EZH1: variants seen among roughly 807,000 people sequenced by gnomAD.
EZH1 encodes the protein histone-lysine N-methyltransferase EZH1.
A neutral mutation model predicts 100.5 loss-of-function variants in EZH1; 33 were observed. The ratio of observed to expected loss-of-function variants is 0.33; its 90% CI spans 0.25 to 0.44. The LOEUF is 0.44. Ranked by LOEUF, EZH1 falls within the 20% of genes least tolerant of loss-of-function variation. The pLI is 1.00. For missense variants in EZH1, 475 were observed against 928.4 expected (o/e 0.51, Z 6.35); for synonymous variants, 272 against 313.8 (o/e 0.87, Z 1.41).
At chr17:42,738,258 A>G (rs935653320) in intron 1 of EZH1, among the ~76,000 whole-genome samples, 1 of 151,650 alleles carries the variant, frequency 6.6e-6, no homozygotes, top group African/African-American at 2.4e-5. Flanking sequence ...GTTCCAAACT[A>G]TTAAATTTTT....
chr17:42,717,969 A>AAC lies in EZH1; in HGVS notation c.1023+5_1023+6dup, dbSNP rs2053638474. 1.2e-6 allele frequency: 2 copies of AAC among 1,613,838 alleles called. No individual in the cohort carries two copies. Among genetic ancestry groups the AAC allele is most frequent in the Non-Finnish European group, 1.7e-6 (2 of 1,179,720 alleles). ...GTTAATAATGCCAGAACAGCTTAAG[A>AAC]ACATACCAGCAAAAGGAAGCAGTCT... On this transcript the variant is annotated splice_region_variant and intron_variant, in intron 10 of 20. Transcript: ENST00000428826.
chr17:42,733,268 C>T (rs1157314174), intron 1 of EZH1, among the ~76,000 whole-genome samples: 1 of 142,882 alleles, frequency 7.0e-6, no homozygotes, highest in East Asian at 2.1e-4. Context: ...ACCTGGGAGG[C>T]AGAAGTTGCG....
chr17:42,706,028 G>A lies in EZH1; in HGVS notation c.1818C>T (p.Ser606=). ...DCKVVSCKNC[S]IQRGLKKHLL... ...TCACCTTCTTAAGTCCACGCTGGAT[G>A]CTGCAGTTTTTACAGGAAACCACCT... The change falls in exon 16 of 21, where the codon AGC becomes AGT. Residue 606 remains serine, a synonymous_variant. Transcript: ENST00000428826. This position sits in a 1 kb window ranked among gnomAD's most constrained non-coding sequence, Gnocchi z 4.4. 2 of 1,613,574 alleles carry A rather than the reference G, an allele frequency of 1.2e-6. No individual in the cohort carries two copies. The highest frequency in any genetic ancestry group is 8.5e-7 in the Non-Finnish European group (1 of 1,179,822).
chr17:42,741,546 G>C (rs1166090573), intron 1 of EZH1, among the ~76,000 whole-genome samples: 1 of 152,072 alleles, frequency 6.6e-6, no homozygotes, highest in Non-Finnish European at 1.5e-5. Context: ...TCTAAGACCA[G>C]AAAAAGATAT....
Position 42,745,023 on chromosome 17 carries a change from G to C in EZH1, c.-115C>G. 1 of 1,272,042 alleles carries C rather than the reference G, an allele frequency of 7.9e-7. No homozygotes were observed. The highest frequency in any genetic ancestry group is 1.0e-6 in the Non-Finnish European group (1 of 982,160). 78.8% of individuals were successfully genotyped at this position (1,272,042 alleles called of 1,614,324 possible). On this transcript the variant is annotated 5_prime_UTR_variant, in exon 1 of 21. Transcript: ENST00000428826. Reference sequence around the variant, plus strand: ...TTTACTCACTCACCCTCCATCCCGAGCCGCGGGTCCCGCTGCTAGGACGCA... The same window carrying C: ...TTTACTCACTCACCCTCCATCCCGACCCGCGGGTCCCGCTGCTAGGACGCA...
In EZH1 at chr17:42,701,441, A is replaced by G. The variant is rs1471993307; in HGVS notation, c.*1091T>C. The G allele has an allele frequency of 6.5e-6, 1 of 152,808 alleles. No individual in the cohort carries two copies. The highest frequency in any genetic ancestry group is 1.5e-5 in the Non-Finnish European group (1 of 68,060). 9.5% of individuals were successfully genotyped at this position (152,808 alleles called of 1,614,324 possible). A position where few individuals can be genotyped will look rare whatever the true frequency, so the allele number is the denominator to read the frequency against. On this transcript the variant is annotated 3_prime_UTR_variant, in exon 21 of 21. Coordinates refer to ENST00000428826, the MANE Select transcript of EZH1 (RefSeq NM_001991.5). ...CGGGGTGCCAGCCTAAACGCGTGCA[A>G]TTTAGCCCCTCACCAACCTTGGAAC...
chr17:42,710,042 T>C, intron 12 of EZH1, 105 bp from the exon 13 acceptor site: 1 of 884,416 alleles, frequency 1.1e-6, no homozygotes, highest in Non-Finnish European at 1.9e-6. Flanking sequence ...CTCAGGCAGC[T>C]GACCAAGCCT....
intron 10 of EZH1, among the ~76,000 whole-genome samples, chr17:42,717,651 A>T (rs2053631367): frequency 6.6e-6 from 1 of 152,170 alleles, no homozygotes; most frequent in Non-Finnish European, 1.5e-5. Context: ...GATAGCAAAG[A>T]AACTAGAGTG....
At chr17:42,710,428 T>C (rs2053453711) in intron 12 of EZH1, among the ~76,000 whole-genome samples, 2 of 152,146 alleles carry the variant, frequency 1.3e-5, no homozygotes, top group Admixed American at 1.3e-4. Context: ...TGGTTTTTAG[T>C]TTTTCCTTTT....
At position 42,739,496 on chromosome 17, in the gene EZH1, C is replaced by G. The variant is rs141593834; in HGVS notation, c.-103+5515G>C. On this transcript the variant is annotated intron_variant, in intron 1 of 20. Transcript: ENST00000428826. The stretch of plus-strand genomic sequence containing the variant: ...CCTGTAATCCCAGCACTTTGGGAGG[C>G]CAAGGCGAGTGGATCACCTGAGGAC... 9.7e-3 allele frequency among the ~76,000 whole-genome samples: 1,477 copies of G among 152,178 alleles called. 25 individuals are homozygous for G. Among genetic ancestry groups the G allele is most frequent in the African/African-American group, 0.034 (1,422 of 41,530 alleles).
At chr17:42,704,502 C>T (rs571012060) in intron 18 of EZH1, 100 bp downstream of exon 18, 41 of 879,162 alleles carry the variant, frequency 4.7e-5, no homozygotes, top group Non-Finnish European at 6.9e-5. Flanking sequence ...GAGCCAAGAT[C>T]GCACCATTGC....
At position 42,718,680 on chromosome 17, in the gene EZH1, T is replaced by C; in HGVS notation, c.768-63A>G. 3.2e-6 allele frequency: 5 copies of C among 1,575,704 alleles called. No homozygotes were observed. Among genetic ancestry groups the C allele is most frequent in the Admixed American group, 1.7e-5 (1 of 58,768 alleles). On this transcript the variant is annotated intron_variant, in intron 8 of 20. Transcript: ENST00000428826. The surrounding 1 kb of genome is among the most constrained non-coding windows in gnomAD (Gnocchi z 4.2). ...ACTGCCTCCACTGAGGAAATACAGA[T>C]TGGGTACTGACAGTAGCTCACCTAC...
intron 6 of EZH1, among the ~76,000 whole-genome samples, chr17:42,720,730 G>A (rs895233996): frequency 6.6e-6 from 1 of 152,058 alleles, no homozygotes; most frequent in Admixed American, 6.6e-5. Flanking sequence ...CGCGATCTTG[G>A]CTCACCGCAA....
At chr17:42,710,865 C>T (rs1205326278) in intron 12 of EZH1, among the ~76,000 whole-genome samples, 2 of 150,114 alleles carry the variant, frequency 1.3e-5, no homozygotes, top group Admixed American at 6.7e-5. Flanking sequence ...TCAAGCGATC[C>T]TCCCACCATG....
Position 42,728,816 on chromosome 17 carries a change from A to G in EZH1, c.117+9T>C. The G allele has an allele frequency of 6.2e-7, 1 of 1,610,566 alleles. No individual in the cohort carries two copies. The highest frequency in any genetic ancestry group is 8.5e-7 in the Non-Finnish European group (1 of 1,178,858). ...ATATATAAACTTTCACTTGGGAATT[A>G]TTTTTTACCTTTGCACCCATATTTG... On this transcript the variant is annotated intron_variant, in intron 3 of 20. Coordinates refer to ENST00000428826, the MANE Select transcript of EZH1 (RefSeq NM_001991.5).
intron 5 of EZH1, 92 bp from the exon 6 acceptor site, chr17:42,723,007 G>A: frequency 2.0e-6 from 3 of 1,467,330 alleles, no homozygotes; most frequent in Non-Finnish European, 1.8e-6. Flanking sequence ...TTTGTTTGTT[G>A]CTTGAGTCTC....
At chr17:42,708,537 C>T (rs1291351985) in intron 14 of EZH1, among the ~76,000 whole-genome samples, 1 of 152,176 alleles carries the variant, frequency 6.6e-6, no homozygotes. Flanking sequence ...TGCCTGTAAT[C>T]CCAGCTACTT....
intron 1 of EZH1, among the ~76,000 whole-genome samples, chr17:42,735,422 T>A (rs1021616557): frequency 2.0e-5 from 3 of 151,512 alleles, no homozygotes; most frequent in Non-Finnish European, 2.9e-5. Context: ...AACAGGCAGA[T>A]TTGGAGAGAT....
At chr17:42,739,305 A>G (rs2054131066) in intron 1 of EZH1, among the ~76,000 whole-genome samples, 1 of 152,170 alleles carries the variant, frequency 6.6e-6, no homozygotes, top group Admixed American at 6.6e-5. Context: ...TCTCTGAGGT[A>G]TTTTCATCTG....
Sources: gnomAD v4.1 joint callset for allele counts (sites outside exome capture counted in the v4.1 genomes callset) on GRCh38, gnomAD v4.1.1 for gene constraint, Gnocchi (gnomAD v3.1) non-coding constraint, MANE v1.5 for transcripts, NCBI Gene and HGNC (gene_info 2026-07-23, HGNC 2026-07-21) for gene names.